IMMP2L: variants seen among roughly 807,000 people sequenced by gnomAD.
The protein encoded by IMMP2L is inner mitochondrial membrane peptidase subunit 2.
In IMMP2L, 18 loss-of-function variants were observed where a neutral mutation model predicts 19.3. That is an observed-to-expected ratio of 0.93 (90% CI 0.64 to 1.38). IMMP2L has a LOEUF of 1.38. Ranked by LOEUF, IMMP2L falls within the 40% of genes most tolerant of loss-of-function variation. The probability of loss-of-function intolerance (pLI) is 0.00; values close to 1 mark genes in which losing one functional copy is unlikely to be tolerated. For synonymous variants in IMMP2L, 76 were observed against 73.0 expected (o/e 1.04, Z -0.21); for missense variants, 233 against 218.2 (o/e 1.07, Z -0.43).
intron 4 of IMMP2L, among the ~76,000 whole-genome samples, chr7:110,921,116 T>C (rs899967673): frequency 3.3e-5 from 5 of 152,222 alleles, no homozygotes; most frequent in African/African-American, 4.8e-5. Context: ...TTTGTTTATG[T>C]TTTGAAGCAT....
At chr7:111,036,171 T>C (rs1349204932) in intron 3 of IMMP2L, among the ~76,000 whole-genome samples, 1 of 152,100 alleles carries the variant, frequency 6.6e-6, no homozygotes, top group African/African-American at 2.4e-5. Context: ...GAAACACAAA[T>C]CTCTAGATCT....
intron 5 of IMMP2L, among the ~76,000 whole-genome samples, chr7:110,830,809 T>C (rs1039865304): frequency 6.6e-6 from 1 of 152,162 alleles, no homozygotes; most frequent in Admixed American, 6.5e-5. Context: ...CAAGTAAACC[T>C]GGACACTCAG....
At chr7:110,931,987 G>A (rs545707717) in intron 4 of IMMP2L, among the ~76,000 whole-genome samples, 6 of 152,092 alleles carry the variant, frequency 3.9e-5, no homozygotes, top group South Asian at 2.1e-4. Context: ...AGCCTGGGTC[G>A]ACTTCCCTGA....
chr7:111,490,673 T>C (rs1017454622), intron 2 of IMMP2L, among the ~76,000 whole-genome samples: 2 of 152,268 alleles, frequency 1.3e-5, no homozygotes, highest in Admixed American at 6.5e-5. Context: ...CATTTCTTTC[T>C]AGTTATATGA....
intron 3 of IMMP2L, among the ~76,000 whole-genome samples, chr7:111,028,836 G>GA (rs1827120691): frequency 6.6e-6 from 1 of 152,094 alleles, no homozygotes; most frequent in Non-Finnish European, 1.5e-5. Context: ...AAAATGATTG[G>GA]ATTTGACATA....
chr7:111,527,489 T>G (rs1159894933), intron 1 of IMMP2L, among the ~76,000 whole-genome samples: 4 of 152,148 alleles, frequency 2.6e-5, no homozygotes, highest in East Asian at 3.9e-4. Flanking sequence ...CTATAACTTT[T>G]TATTGTCTTT....
intron 3 of IMMP2L, among the ~76,000 whole-genome samples, chr7:111,447,476 G>A (rs1401724560): frequency 2.0e-5 from 3 of 148,522 alleles, no homozygotes; most frequent in Admixed American, 2.0e-4. Context: ...AAGTGAAGGA[G>A]AAATAAAATA....
chr7:111,101,161 G>A (rs565306830), intron 3 of IMMP2L, among the ~76,000 whole-genome samples: 1 of 151,308 alleles, frequency 6.6e-6, no homozygotes, highest in African/African-American at 2.4e-5. Context: ...TGCTGCTCTG[G>A]ATTTTACTTG....
intron 5 of IMMP2L, among the ~76,000 whole-genome samples, chr7:110,780,331 A>G (rs530132305): frequency 1.8e-4 from 28 of 151,450 alleles, no homozygotes; most frequent in African/African-American, 6.3e-4. Flanking sequence ...GTTAAAAAAA[A>G]CAAACTGTTA....
At chr7:110,703,835 C>A (rs1327538963) in intron 5 of IMMP2L, among the ~76,000 whole-genome samples, 1 of 151,928 alleles carries the variant, frequency 6.6e-6, no homozygotes, top group Non-Finnish European at 1.5e-5. Context: ...TTTCTAATTG[C>A]TCTTAAGAGA....
At chr7:111,160,070 A>T (rs1805084197) in intron 3 of IMMP2L, among the ~76,000 whole-genome samples, 2 of 152,066 alleles carry the variant, frequency 1.3e-5, no homozygotes, top group African/African-American at 4.8e-5. Context: ...TAAAATTCTA[A>T]TCGTGGTTAA....
At chr7:111,280,990 A>G (rs1819635330) in intron 3 of IMMP2L, among the ~76,000 whole-genome samples, 2 of 151,786 alleles carry the variant, frequency 1.3e-5, no homozygotes, top group Admixed American at 6.6e-5. Flanking sequence ...GAATGGCGTG[A>G]ACCCAGTAGG....
At chr7:111,011,187 T>G (rs1255581407) in intron 3 of IMMP2L, among the ~76,000 whole-genome samples, 1 of 151,988 alleles carries the variant, frequency 6.6e-6, no homozygotes. Flanking sequence ...TAGTTGCCAG[T>G]GGAAAGAGAG....
At chr7:111,318,310 T>TTCCACTA (rs1824323823) in intron 3 of IMMP2L, among the ~76,000 whole-genome samples, 1 of 152,104 alleles carries the variant, frequency 6.6e-6, no homozygotes, top group Admixed American at 6.6e-5. Flanking sequence ...AATGGAGAAC[T>TTCCACTA]CAGGTTCCTT....
intron 5 of IMMP2L, among the ~76,000 whole-genome samples, chr7:110,873,407 G>A (rs1271254411): frequency 7.9e-5 from 9 of 114,504 alleles, no homozygotes; most frequent in Non-Finnish European, 1.2e-4. Flanking sequence ...TCAAGCCTGG[G>A]AGACAGAGCA....
At chr7:111,531,082 G>T (rs1368507237) in intron 1 of IMMP2L, among the ~76,000 whole-genome samples, 1 of 151,618 alleles carries the variant, frequency 6.6e-6, no homozygotes, top group African/African-American at 2.4e-5. Flanking sequence ...CTCCAGAGTA[G>T]CTGGGACTAC....
intron 4 of IMMP2L, among the ~76,000 whole-genome samples, chr7:110,922,336 CTAAGA>C (rs746273619): frequency 6.6e-6 from 1 of 152,130 alleles, no homozygotes; most frequent in South Asian, 2.1e-4. Context: ...TATAAAAATA[CTAAGA>C]TGTTTGTCAA....
intron 3 of IMMP2L, among the ~76,000 whole-genome samples, chr7:110,964,012 G>A (rs1022711547): frequency 3.5e-5 from 3 of 86,244 alleles, no homozygotes; most frequent in African/African-American, 1.6e-4. Context: ...TCTCCCTCAT[G>A]TTGTTCTCAC....
At chr7:111,320,807 G>A (rs1382205894) in intron 3 of IMMP2L, among the ~76,000 whole-genome samples, 1 of 151,924 alleles carries the variant, frequency 6.6e-6, no homozygotes. Context: ...TGCTCTGAAA[G>A]CACCCTATGC....
Sources: allele counts gnomAD v4.1 joint callset (sites outside exome capture counted in the v4.1 genomes callset), GRCh38; gene constraint gnomAD v4.1.1; transcripts MANE v1.5; gene names NCBI Gene and HGNC (gene_info 2026-07-23, HGNC 2026-07-21).